Variants in STPG2 observed in about 807,000 individuals in gnomAD.
STPG2 encodes the protein sperm-tail PG-rich repeat-containing protein 2.
STPG2 carries 56 observed loss-of-function variants against 54.2 expected under a neutral mutation model. That is an observed-to-expected ratio of 1.03 (90% CI 0.83 to 1.29). The LOEUF (loss-of-function observed/expected upper bound fraction) is 1.29, where lower values mean the gene tolerates loss of function less well. STPG2 is among the 50% of genes most tolerant of loss of function. The pLI, the probability that STPG2 is intolerant of heterozygous loss-of-function variation, is 0.00. For missense variants in STPG2, 596 were observed against 544.9 expected (o/e 1.09, Z -0.93); for synonymous variants, 200 against 181.8 (o/e 1.10, Z -0.81).
chr4:97,667,015 C>T (rs549549551), intron 10 of STPG2, among the ~76,000 whole-genome samples: 1 of 152,314 alleles, frequency 6.6e-6, no homozygotes, highest in East Asian at 1.9e-4. Context: ...TCACTACCAC[C>T]ATCCCACTTC....
At chr4:98,126,724 G>A (rs1489157505) in intron 3 of STPG2, among the ~76,000 whole-genome samples, 13 of 152,068 alleles carry the variant, frequency 8.5e-5, no homozygotes, top group Admixed American at 6.6e-4. Flanking sequence ...CTTGTTATTA[G>A]AACACTTACA....
intron 9 of STPG2, among the ~76,000 whole-genome samples, chr4:97,757,672 A>G (rs1725772032): frequency 6.6e-6 from 1 of 152,202 alleles, no homozygotes; most frequent in South Asian, 2.1e-4. Context: ...CTAGCTCAAA[A>G]ATATCAAGTT....
At chr4:97,997,006 A>G (rs2149273060) in intron 5 of STPG2, among the ~76,000 whole-genome samples, 1 of 152,376 alleles carries the variant, frequency 6.6e-6, no homozygotes, top group East Asian at 1.9e-4. Flanking sequence ...AAATTAGTTC[A>G]GCCATTGCTG....
intron 8 of STPG2, among the ~76,000 whole-genome samples, chr4:97,853,257 C>T (rs1729226972): frequency 6.6e-6 from 1 of 151,784 alleles, no homozygotes; most frequent in African/African-American, 2.4e-5. Flanking sequence ...TGAGTCACCG[C>T]GCCCCGCCAA....
downstream of STPG2, among the ~76,000 whole-genome samples, chr4:97,557,302 G>GTA (rs1732100502): frequency 6.6e-6 from 1 of 152,116 alleles, no homozygotes. Flanking sequence ...CTCTTGATTT[G>GTA]TAATTCCCTA....
chr4:97,729,794 C>A (rs1218567118), intron 9 of STPG2, among the ~76,000 whole-genome samples: 5 of 152,152 alleles, frequency 3.3e-5, no homozygotes, highest in Non-Finnish European at 7.4e-5. Context: ...TGTTTAGAAG[C>A]ATAGACTTTA....
At chr4:97,795,625 G>C (rs954593830) in intron 9 of STPG2, among the ~76,000 whole-genome samples, 1 of 152,174 alleles carries the variant, frequency 6.6e-6, no homozygotes, top group Non-Finnish European at 1.5e-5. Context: ...TGGGTTCCAA[G>C]TCTTTGCTAT....
chr4:97,959,997 C>A (rs529007912), intron 7 of STPG2, among the ~76,000 whole-genome samples: 1 of 152,058 alleles, frequency 6.6e-6, no homozygotes, highest in South Asian at 2.1e-4. Context: ...AGATAATCTA[C>A]CATGATCAAG....
chr4:97,457,075 T>A (rs1729547297), intron 4 of STPG2, among the ~76,000 whole-genome samples: 1 of 152,122 alleles, frequency 6.6e-6, no homozygotes, highest in Admixed American at 6.5e-5. Flanking sequence ...CTGATCCGAA[T>A]GATCAAAAAG....
intron 10 of STPG2, among the ~76,000 whole-genome samples, chr4:97,689,210 TA>T (rs1723288928): frequency 6.6e-6 from 1 of 152,138 alleles, no homozygotes; most frequent in South Asian, 2.1e-4. Context: ...TTTGTATTTA[TA>T]AAAAGCTACT....
intron 7 of STPG2, among the ~76,000 whole-genome samples, chr4:97,944,737 A>C (rs879672037): frequency 2.0e-5 from 3 of 152,152 alleles, no homozygotes; most frequent in Non-Finnish European, 4.4e-5. Flanking sequence ...ATAGTAGCTA[A>C]TAGACATATT....
At chr4:97,889,408 G>C (rs990322016) in intron 8 of STPG2, among the ~76,000 whole-genome samples, 1 of 152,066 alleles carries the variant, frequency 6.6e-6, no homozygotes, top group Non-Finnish European at 1.5e-5. Flanking sequence ...TCAAGATATG[G>C]AATAAACCTA....
intron 9 of STPG2, among the ~76,000 whole-genome samples, chr4:97,789,666 G>A (rs907800443): frequency 1.3e-5 from 2 of 152,052 alleles, no homozygotes; most frequent in African/African-American, 4.8e-5. Context: ...CTAAAATTAA[G>A]TCTCAGTTTT....
intron 8 of STPG2, among the ~76,000 whole-genome samples, chr4:97,906,906 T>C (rs1269901380): frequency 2.0e-5 from 3 of 151,922 alleles, no homozygotes; most frequent in Non-Finnish European, 4.4e-5. Flanking sequence ...CCACAGCCAA[T>C]CTCATACTGA....
At chr4:97,816,808 C>A (rs1727926883) in intron 9 of STPG2, among the ~76,000 whole-genome samples, 1 of 150,196 alleles carries the variant, frequency 6.7e-6, no homozygotes, top group African/African-American at 2.4e-5. Context: ...CTCTCTCTTT[C>A]TGACCCTCTT....
At chr4:97,511,248 GAAAGTA>G (rs1730965520) in intron 4 of STPG2, among the ~76,000 whole-genome samples, 1 of 151,626 alleles carries the variant, frequency 6.6e-6, no homozygotes, top group Non-Finnish European at 1.5e-5. Flanking sequence ...ACAGAAAAGT[GAAAGTA>G]AAAGAACAGA....
chr4:97,941,161 T>C (rs1732965730), intron 8 of STPG2, among the ~76,000 whole-genome samples: 1 of 152,090 alleles, frequency 6.6e-6, no homozygotes, highest in Non-Finnish European at 1.5e-5. Flanking sequence ...CTAATGTTGC[T>C]AAGCTAGTAC....
At chr4:97,634,120 T>A (rs1328708024) in intron 10 of STPG2, among the ~76,000 whole-genome samples, 1 of 152,130 alleles carries the variant, frequency 6.6e-6, no homozygotes. Context: ...GAGCAGGGGT[T>A]CTCCCAGTAC....
chr4:97,721,306 A>G (rs1462902696), intron 9 of STPG2, among the ~76,000 whole-genome samples: 1 of 152,132 alleles, frequency 6.6e-6, no homozygotes, highest in African/African-American at 2.4e-5. Context: ...ATATTAATGG[A>G]CATCATATCT....
Sources: gnomAD v4.1 joint callset for allele counts (sites outside exome capture counted in the v4.1 genomes callset) on GRCh38, gnomAD v4.1.1 for gene constraint, MANE v1.5 for transcripts, NCBI Gene and HGNC (gene_info 2026-07-23, HGNC 2026-07-21) for gene names.